The following TLN2 variants were observed in gnomAD, a reference collection of about 807,000 sequenced individuals.
TLN2 encodes the protein talin 2, also known as talin-2.
Under a neutral mutation model 294.7 loss-of-function variants are expected in TLN2, and 118 were observed. That is an observed-to-expected ratio of 0.40 (90% confidence interval 0.34 to 0.47). TLN2 has a LOEUF of 0.47. TLN2 is among the 20% of genes least tolerant of loss of function. The pLI is 0.84. For synonymous variants in TLN2, 1,431 were observed against 1,304.5 expected (o/e 1.10, Z -2.09); for missense variants, 3,083 against 3,282.2 (o/e 0.94, Z 1.48).
intron 54 of TLN2, chr15:62,828,648 C>T (rs1354968283): frequency 6.6e-6 from 1 of 152,202 alleles, no homozygotes; most frequent in African/African-American, 2.4e-5. Context: ...GGAACTTGCT[C>T]ATAGCTGTGT....
Position 62,835,979 on chromosome 15 carries a change from C to T in TLN2, c.7280C>T (p.Ser2427Leu). 6.2e-7 allele frequency: 1 copy of T among 1,614,136 alleles called. No individual in the cohort carries two copies. Among genetic ancestry groups the T allele is most frequent in the Non-Finnish European group, 8.5e-7 (1 of 1,179,988 alleles). Residue 2427 changes from serine to leucine, a missense_variant, in exon 57 of 59, where the codon TCA (serine) becomes TTA (leucine). By Grantham distance (145) the Ser-to-Leu change is moderately radical. Coordinates refer to ENST00000636159, the MANE Select transcript of TLN2 (RefSeq NM_015059.3). ...QGHASEEKLI[S>L]SAKQVAASTA... ...CACGCCAGCGAGGAGAAGCTCATCT[C>T]ATCTGCCAAGCAGGTCGCCGCTTCC...
chr15:62,787,384 C>A (rs2064751234), intron 45 of TLN2, among the ~76,000 whole-genome samples: 1 of 152,118 alleles, frequency 6.6e-6, no homozygotes, highest in East Asian at 1.9e-4. Context: ...ATTCCTTAGA[C>A]CCCCTCCAAC....
At chr15:62,545,885 C>G (rs1036609618) in intron 1 of TLN2, among the ~76,000 whole-genome samples, 1 of 152,184 alleles carries the variant, frequency 6.6e-6, no homozygotes, top group Admixed American at 6.5e-5. Context: ...GCTGTCAATT[C>G]TTTCACCATG....
chr15:62,799,087 A>G (rs2065739589), intron 48 of TLN2, among the ~76,000 whole-genome samples: 1 of 152,194 alleles, frequency 6.6e-6, no homozygotes, highest in East Asian at 1.9e-4. Context: ...AGATGGGGCT[A>G]GCAAGCTAAT....
chr15:62,620,809 C>T lies in TLN2; in HGVS notation c.-37+2334C>T, dbSNP rs114696083. Among the ~76,000 whole-genome samples, 1,278 of 149,498 alleles carry T rather than the reference C, an allele frequency of 8.5e-3. 24 individuals carry two copies. Among genetic ancestry groups the T allele is most frequent in the African/African-American group, 0.03 (1,227 of 40,550 alleles). ...AAAGTGAATTTTCAGATTCCTGAAA[C>T]CTGCTTCTTTTTTTTTTCTTTCTTT... On this transcript the variant is annotated intron_variant, in intron 3 of 58. Coordinates refer to ENST00000636159, the MANE Select transcript of TLN2 (RefSeq NM_015059.3).
intron 1 of TLN2, among the ~76,000 whole-genome samples, chr15:62,481,598 C>T (rs752685432): frequency 2.0e-5 from 3 of 152,032 alleles, no homozygotes; most frequent in Admixed American, 6.6e-5. Context: ...TGGGCTCACA[C>T]GATCCTCCCA....
At chr15:62,646,295 T>C (rs1049113786) in intron 3 of TLN2, among the ~76,000 whole-genome samples, 4 of 152,036 alleles carry the variant, frequency 2.6e-5, no homozygotes, top group African/African-American at 9.7e-5. Flanking sequence ...CCCGAGTAGC[T>C]GGGATTACAG....
intron 12 of TLN2, chr15:62,690,418 C>T (rs184812736): frequency 0.015 from 2,481 of 170,442 alleles, 95 homozygotes; most frequent in Admixed American, 0.085. Flanking sequence ...GATGGGCGGC[C>T]GGGCAGAGAC....
chr15:62,728,764 GTTCT>G (rs1273523131), intron 28 of TLN2, among the ~76,000 whole-genome samples: 3 of 152,206 alleles, frequency 2.0e-5, no homozygotes, highest in South Asian at 4.1e-4. Flanking sequence ...ATTTATAGGA[GTTCT>G]TTGTTACTTA....
chr15:62,679,284 A>C (rs1567332608), intron 11 of TLN2, among the ~76,000 whole-genome samples: 1 of 152,202 alleles, frequency 6.6e-6, no homozygotes, highest in African/African-American at 2.4e-5. Context: ...ATATATACCA[A>C]AGAAAATTGA....
chr15:62,536,206 CG>C (rs1382536852), intron 1 of TLN2, among the ~76,000 whole-genome samples: 1 of 152,108 alleles, frequency 6.6e-6, no homozygotes, highest in Admixed American at 6.5e-5. Flanking sequence ...GTAGAATCAC[CG>C]GGGGATCTTT....
At chr15:62,564,759 T>G (rs1427589148) in intron 1 of TLN2, among the ~76,000 whole-genome samples, 1 of 151,576 alleles carries the variant, frequency 6.6e-6, no homozygotes, top group African/African-American at 2.4e-5. Flanking sequence ...ATACAAAAAT[T>G]AGCTGGGCAT....
chr15:62,661,842 G>A (rs2053874833), intron 9 of TLN2, among the ~76,000 whole-genome samples: 1 of 152,084 alleles, frequency 6.6e-6, no homozygotes, highest in Admixed American at 6.5e-5. Flanking sequence ...AAAATAGACT[G>A]TAAGGCAAAC....
chr15:62,831,158 G>T (rs1051728067), intron 54 of TLN2: 1 of 151,830 alleles, frequency 6.6e-6, no homozygotes, highest in African/African-American at 2.4e-5. Context: ...TAATTTTAAA[G>T]AAATTCCATT....
At chr15:62,397,801 A>G (rs1300438525) in intron 1 of TLN2, among the ~76,000 whole-genome samples, 2 of 152,194 alleles carry the variant, frequency 1.3e-5, no homozygotes, top group Admixed American at 6.5e-5. Context: ...TGCATTATTA[A>G]CAAGTTTCCA....
At chr15:62,823,823 C>T (rs1164221236) in intron 54 of TLN2, 2 of 403,248 alleles carry the variant, frequency 5.0e-6, no homozygotes, top group Non-Finnish European at 9.9e-6. Context: ...TTAATGGCGC[C>T]GTTTCCACAT....
chr15:62,728,351 A>G (rs1281845591), intron 28 of TLN2, among the ~76,000 whole-genome samples: 1 of 152,338 alleles, frequency 6.6e-6, no homozygotes, highest in African/African-American at 2.4e-5. Flanking sequence ...TTACATGAAT[A>G]TAGCTATTCT....
At chr15:62,733,928 C>G (rs963386097) in intron 28 of TLN2, 4 of 152,200 alleles carry the variant, frequency 2.6e-5, no homozygotes, top group African/African-American at 9.7e-5. Flanking sequence ...GTAGTGATGA[C>G]CATTGAGAAT....
chr15:62,778,582 C>T, intron 43 of TLN2, among the ~76,000 whole-genome samples: 1 of 152,242 alleles, frequency 6.6e-6, no homozygotes, highest in East Asian at 1.9e-4. Flanking sequence ...TTTGATAGCC[C>T]TGTGCCTTAT....
Sources: allele counts gnomAD v4.1 joint callset (sites outside exome capture counted in the v4.1 genomes callset), GRCh38; gene constraint gnomAD v4.1.1; transcripts MANE v1.5; gene names NCBI Gene and HGNC (gene_info 2026-07-23, HGNC 2026-07-21).